The following PCDH11X variants were observed in gnomAD, a reference collection of about 807,000 sequenced individuals.
PCDH11X encodes the protein protocadherin 11 X-linked, also known as protocadherin-11 X-linked.
PCDH11X carries 18 observed loss-of-function variants against 53.3 expected under a neutral mutation model. That is an observed-to-expected ratio of 0.34 (90% CI 0.23 to 0.50). The LOEUF is 0.50. Ranked by LOEUF, PCDH11X falls within the 20% of genes least tolerant of loss-of-function variation. The pLI is 0.98. For missense variants in PCDH11X, 570 were observed against 1,032.4 expected (o/e 0.55, Z 6.14); for synonymous variants, 279 against 393.3 (o/e 0.71, Z 3.44).
intron 6 of PCDH11X, among the ~76,000 whole-genome samples, chrX:92,085,501 A>C (rs2063935362): frequency 2.0e-5 from 2 of 97,834 alleles, no homozygotes; most frequent in African/African-American, 8.0e-5. Context: ...AAAAAAAGCC[A>C]CCCAGATGCC....
intron 8 of PCDH11X, among the ~76,000 whole-genome samples, chrX:92,271,663 T>C (rs1053999804): frequency 1.8e-5 from 2 of 112,322 alleles, no homozygotes; most frequent in African/African-American, 6.5e-5. Context: ...TTATGTTCCC[T>C]GATTCCAGAT....
chrX:92,303,771 G>T (rs1569459583), intron 8 of PCDH11X, among the ~76,000 whole-genome samples: 1 of 110,375 alleles, frequency 9.1e-6, no homozygotes, highest in Non-Finnish European at 1.9e-5. Context: ...CTAAGACACT[G>T]CATTTCCTTC....
intron 6 of PCDH11X, among the ~76,000 whole-genome samples, chrX:91,890,196 T>C (rs1940411570): frequency 9.0e-6 from 1 of 111,375 alleles, no homozygotes. Context: ...TTTGCATATA[T>C]GTGTGCATAT....
At chrX:92,294,509 G>A (rs1437573152) in intron 8 of PCDH11X, among the ~76,000 whole-genome samples, 1 of 112,033 alleles carries the variant, frequency 8.9e-6, no homozygotes, top group South Asian at 3.6e-4. Context: ...AATATTATTG[G>A]CTTTTATTCC....
chrX:92,452,246 A>G (rs2148648008), intron 9 of PCDH11X, among the ~76,000 whole-genome samples: 1 of 101,026 alleles, frequency 9.9e-6, no homozygotes, highest in East Asian at 3.1e-4. Flanking sequence ...TAACAGCTTT[A>G]TAAACTCAAG....
intron 8 of PCDH11X, among the ~76,000 whole-genome samples, chrX:92,318,939 A>C: frequency 8.9e-6 from 1 of 112,046 alleles, no homozygotes; most frequent in East Asian, 2.8e-4. Flanking sequence ...TTATTTGTTT[A>C]AACTAACTAT....
chrX:92,345,339 G>T (rs1309295517), intron 8 of PCDH11X, among the ~76,000 whole-genome samples: 2 of 109,589 alleles, frequency 1.8e-5, no homozygotes, highest in Non-Finnish European at 3.8e-5. Flanking sequence ...ACTCCCACTG[G>T]GTTAGATACA....
intron 9 of PCDH11X, among the ~76,000 whole-genome samples, chrX:92,411,339 C>A (rs998311729): frequency 9.0e-6 from 1 of 110,933 alleles, no homozygotes; most frequent in Non-Finnish European, 1.9e-5. Flanking sequence ...ATACATGTGC[C>A]ATGGTGGTTT....
At chrX:92,347,346 G>T (rs1454778268) in intron 8 of PCDH11X, among the ~76,000 whole-genome samples, 1 of 111,543 alleles carries the variant, frequency 9.0e-6, no homozygotes, top group African/African-American at 3.2e-5. Flanking sequence ...AATGTTTGAT[G>T]TGAAACATGG....
chrX:92,197,722 A>C (rs933344204), intron 6 of PCDH11X, among the ~76,000 whole-genome samples: 4 of 111,781 alleles, frequency 3.6e-5, no homozygotes, highest in Non-Finnish European at 5.6e-5. Flanking sequence ...ATATGGCAAT[A>C]AGATAACAAT....
intron 9 of PCDH11X, among the ~76,000 whole-genome samples, chrX:92,448,140 A>T (rs1569488473): frequency 9.7e-6 from 1 of 102,914 alleles, no homozygotes; most frequent in Non-Finnish European, 2.0e-5. Context: ...GCCTTGTCTC[A>T]GATGAGATGT....
rs866390498 is a variant in PCDH11X at position 92,142,573 on chromosome X, A to C, written c.3034-58802A>C. Among the ~76,000 whole-genome samples the C allele has an allele frequency of 1.4e-4, 16 of 111,176 alleles. No individual in the cohort carries two copies. The East Asian group carries it at 3.1e-3, about 22-fold the overall frequency. ...GCAGAGATAGGGATTGAATGGGTCT[A>C]TTCTGATGACTGAGGTAACCAAAGT... On this transcript the variant is annotated intron_variant, in intron 6 of 10. Coordinates refer to ENST00000682573, the MANE Select transcript of PCDH11X (RefSeq NM_032968.5).
At chrX:92,556,215 C>A (rs760941838) in intron 10 of PCDH11X, among the ~76,000 whole-genome samples, 2 of 110,593 alleles carry the variant, frequency 1.8e-5, no homozygotes, top group African/African-American at 3.3e-5. Context: ...CTGTCCCCAC[C>A]CAAATCTTAT....
intron 8 of PCDH11X, among the ~76,000 whole-genome samples, chrX:92,314,649 A>G (rs764228842): frequency 1.8e-5 from 2 of 111,210 alleles, no homozygotes; most frequent in East Asian, 5.7e-4. Flanking sequence ...CTACAACATT[A>G]TGATGGCTAC....
intron 6 of PCDH11X, among the ~76,000 whole-genome samples, chrX:92,149,457 G>C (rs200513844): frequency 3.8e-4 from 33 of 86,319 alleles, no homozygotes; most frequent in African/African-American, 1.0e-3. Context: ...CTCTCTCTCT[G>C]TGTGTGTGTG....
intron 6 of PCDH11X, among the ~76,000 whole-genome samples, chrX:92,170,829 T>TC (rs1297987655): frequency 1.0e-5 from 1 of 97,131 alleles, no homozygotes; most frequent in African/African-American, 3.7e-5. Flanking sequence ...CTCACTCTTG[T>TC]CCCCCAGGCT....
chrX:92,135,549 A>G (rs1401513716), intron 6 of PCDH11X, among the ~76,000 whole-genome samples: 1 of 111,698 alleles, frequency 9.0e-6, no homozygotes, highest in Non-Finnish European at 1.9e-5. Flanking sequence ...TATTATTCCA[A>G]TAAGAGTGAT....
At chrX:91,964,628 ATACTT>A (rs2061839428) in intron 6 of PCDH11X, among the ~76,000 whole-genome samples, 1 of 112,569 alleles carries the variant, frequency 8.9e-6, no homozygotes, top group Non-Finnish European at 1.9e-5. Flanking sequence ...AATTAAAATA[ATACTT>A]TTACATTATC....
chrX:92,263,757 G>C (rs2067767710), intron 8 of PCDH11X, among the ~76,000 whole-genome samples: 1 of 112,182 alleles, frequency 8.9e-6, no homozygotes, highest in Non-Finnish European at 1.9e-5. Context: ...GAACAGTCCA[G>C]ACTTCTAGAA....
Sources: allele counts gnomAD v4.1 joint callset (sites outside exome capture counted in the v4.1 genomes callset), GRCh38; gene constraint gnomAD v4.1.1; transcripts MANE v1.5; gene names NCBI Gene and HGNC (gene_info 2026-07-23, HGNC 2026-07-21).